Variants in CEP250 observed in about 807,000 individuals in gnomAD.
CEP250 encodes centrosomal protein 250, also known as centrosome-associated protein CEP250.
A neutral mutation model predicts 315.7 loss-of-function variants in CEP250; 242 were observed. That is an observed-to-expected ratio of 0.77 (90% CI 0.69 to 0.85). CEP250 has a LOEUF of 0.85. Ranked by LOEUF, CEP250 falls within the 40% of genes least tolerant of loss-of-function variation. CEP250 has a pLI of 0.00. For synonymous variants in CEP250, 1,088 were observed against 1,175.0 expected (o/e 0.93, Z 1.51); for missense variants, 2,515 against 2,886.4 (o/e 0.87, Z 2.95).
intron 28 of CEP250, among the ~76,000 whole-genome samples, chr20:35,501,494 A>G (rs191063095): frequency 6.6e-5 from 10 of 152,288 alleles, no homozygotes; most frequent in Non-Finnish European, 2.9e-5. Flanking sequence ...GAGCTCCTGC[A>G]CAATTATAGG....
At chr20:35,491,412 G>A in intron 22 of CEP250, 66 bp downstream of exon 22, 1 of 1,525,028 alleles carries the variant, frequency 6.6e-7, no homozygotes, top group Non-Finnish European at 8.9e-7. Context: ...ACCATGAAGG[G>A]TTCTTGGGCA....
At position 35,501,921 on chromosome 20, in the gene CEP250, AC is replaced by A. The variant is rs1182099111; in HGVS notation, c.3976del (p.Gln1326ArgfsTer28). 6.2e-7 allele frequency: 1 copy of A among 1,613,660 alleles called. No homozygotes were observed. Among genetic ancestry groups the A allele is most frequent in the South Asian group, 1.1e-5 (1 of 91,086 alleles). On this transcript the variant is annotated frameshift_variant, in exon 29 of 35. Coordinates refer to ENST00000397527, the MANE Select transcript of CEP250 (RefSeq NM_007186.6). LOFTEE classifies it high-confidence loss of function. ...MELHETMASLQSRLRRAELQR... is the reference protein window; with the variant it reads ...MELHETMASLXSRLRRAELQR... ...AACTACATGAAACTATGGCATCCTTACAGAGTCGCCTGCGGAGAGCAGAGCT... is the reference window on the plus strand; with the variant it reads ...AACTACATGAAACTATGGCATCCTTAAGAGTCGCCTGCGGAGAGCAGAGCT...
intron 31 of CEP250, 55 bp from the exon 32 acceptor site, chr20:35,507,980 G>A: frequency 6.2e-7 from 1 of 1,610,924 alleles, no homozygotes. Flanking sequence ...TCCTCTGTCT[G>A]TTCCCTACCT....
chr20:35,491,115 T>C (rs774480005), intron 21 of CEP250, 97 bp from the exon 22 acceptor site: 14 of 1,446,338 alleles, frequency 9.7e-6, no homozygotes, highest in Non-Finnish European at 1.3e-5. Flanking sequence ...TCCCATTTGC[T>C]AGGAGAGCCC....
rs1438745480 is a variant in CEP250 at position 35,514,875 on chromosome 20, A to G, written c.*3249A>G. On this transcript the variant is annotated 3_prime_UTR_variant, in exon 35 of 35. Coordinates refer to ENST00000397527, the MANE Select transcript of CEP250 (RefSeq NM_007186.6). The stretch of plus-strand genomic sequence containing the variant: ...GCATGTGGGTGTTCTCATGCAGGCC[A>G]TGAGTATTCGGGGTGCTTTAAGTGC... The G allele has an allele frequency of 6.6e-6, 1 of 152,204 alleles. No homozygotes were observed. The highest frequency in any genetic ancestry group is 1.9e-4 in the East Asian group (1 of 5,188). 9.4% of individuals were successfully genotyped at this position (152,204 alleles called of 1,614,324 possible).
At chr20:35,480,557 C>G (rs6060434) in intron 20 of CEP250, among the ~76,000 whole-genome samples, 47,661 of 149,298 alleles carry the variant, frequency 0.32, 8,443 homozygotes, top group South Asian at 0.5. Context: ...TTTATTTGTG[C>G]CATCTTATGT....
At position 35,473,383 on chromosome 20, in the gene CEP250, C is replaced by CAGCA; in HGVS notation, c.1220_1223dup (p.Leu409AlafsTer17). On this transcript the variant is annotated frameshift_variant, in exon 13 of 35. Coordinates refer to ENST00000397527, the MANE Select transcript of CEP250 (RefSeq NM_007186.6). LOFTEE classifies it high-confidence loss of function. ...TGCTCTCTCTCCACAGGACCTAAGG[C>CAGCA]AGCAGCTTGCAGGCTGTCAAGAGGC... 1 of 1,612,942 alleles carries CAGCA rather than the reference C, an allele frequency of 6.2e-7. No individual in the cohort carries two copies. The highest frequency in any genetic ancestry group is 8.5e-7 in the Non-Finnish European group (1 of 1,179,268).
chr20:35,504,806 C>T lies in CEP250; in HGVS notation c.6437C>T (p.Pro2146Leu), dbSNP rs137874746. ...EQSLKLDSLE[P>L]RLQRELERLQ... Reference sequence around the variant, plus strand: ...TCTCTAAAACTTGATTCTTTAGAGCCCAGGCTGCAGCGGGAGCTGGAGCGG... The same window carrying T: ...TCTCTAAAACTTGATTCTTTAGAGCTCAGGCTGCAGCGGGAGCTGGAGCGG... The change falls in exon 30 of 35, where the codon CCC becomes CTC. Residue 2146 changes from proline (P) to leucine (L), a missense_variant. Pro to Leu is a moderately conservative substitution (Grantham distance 98). Coordinates refer to ENST00000397527, the MANE Select transcript of CEP250 (RefSeq NM_007186.6). The T allele has an allele frequency of 6.2e-7, 1 of 1,614,228 alleles. No individual in the cohort carries two copies. Among genetic ancestry groups the T allele is most frequent in the East Asian group, 2.2e-5 (1 of 44,888 alleles).
At chr20:35,475,689 A>T in intron 15 of CEP250, 43 bp downstream of exon 15, 1 of 1,604,442 alleles carries the variant, frequency 6.2e-7, no homozygotes, top group South Asian at 1.1e-5. Flanking sequence ...GGCGGCTTCG[A>T]AAGTGTGTTC....
intron 22 of CEP250, among the ~76,000 whole-genome samples, chr20:35,492,866 T>C (rs1713666737): frequency 6.6e-6 from 1 of 152,120 alleles, no homozygotes; most frequent in African/African-American, 2.4e-5. Flanking sequence ...TAGCTGGGAT[T>C]ACAGGTGCCC....
At chr20:35,486,638 A>G (rs1366169636) in intron 20 of CEP250, among the ~76,000 whole-genome samples, 1 of 152,118 alleles carries the variant, frequency 6.6e-6, no homozygotes, top group Admixed American at 6.5e-5. Flanking sequence ...TTAATATTTT[A>G]TCCAGCATTT....
At chr20:35,475,266 A>G (rs1283141045) in intron 14 of CEP250, among the ~76,000 whole-genome samples, 3 of 152,228 alleles carry the variant, frequency 2.0e-5, no homozygotes, top group African/African-American at 7.2e-5. Flanking sequence ...CCTTCATGCA[A>G]ATACGGGCAT....
At position 35,504,166 on chromosome 20, in the gene CEP250, G is replaced by A; in HGVS notation, c.5797G>A (p.Ala1933Thr). 1 of 1,613,984 alleles carries A rather than the reference G, an allele frequency of 6.2e-7. No homozygotes were observed. The highest frequency in any genetic ancestry group is 8.5e-7 in the Non-Finnish European group (1 of 1,179,968). Residue 1933 changes from alanine to threonine, a missense_variant, in exon 30 of 35, where the codon GCA becomes ACA. Physicochemically the swap from Ala to Thr is moderately conservative, Grantham distance 58. Transcript: ENST00000397527. The stretch of plus-strand genomic sequence containing the variant: ...GCAGGACAGCTGGCTGCAGGCCCAG[G>A]CAGTGCTCAAGGAACGGGACCAGGA... ...ALQDSWLQAQ[A>T]VLKERDQELE...
chr20:35,502,273 T>TC, intron 29 of CEP250, 117 bp from the exon 30 acceptor site: 1 of 950,702 alleles, frequency 1.1e-6, no homozygotes. Context: ...CCACCACTTT[T>TC]TTTTGCCCAA....
At chr20:35,493,377 T>C in intron 22 of CEP250, 52 bp from the exon 23 acceptor site, 1 of 1,436,804 alleles carries the variant, frequency 7.0e-7, no homozygotes, top group Non-Finnish European at 9.2e-7. Flanking sequence ...AAAAAACCAG[T>C]ATTTCTATGA....
chr20:35,465,853 G>T (rs781722184), intron 6 of CEP250, 28 bp downstream of exon 6: 1 of 1,585,472 alleles, frequency 6.3e-7, no homozygotes, highest in Admixed American at 1.8e-5. Flanking sequence ...TTCTGACCTG[G>T]GTGATTGGCC....
chr20:35,464,952 T>C (rs949964330), intron 5 of CEP250, among the ~76,000 whole-genome samples: 7 of 152,088 alleles, frequency 4.6e-5, no homozygotes, highest in Non-Finnish European at 7.4e-5. Context: ...ACGTCGTAAG[T>C]TGAAAACACA....
In CEP250 at chr20:35,493,560, C is replaced by G; in HGVS notation, c.3021C>G (p.Asp1007Glu). 6.4e-7 allele frequency: 1 copy of G among 1,554,466 alleles called. No homozygotes were observed. Among genetic ancestry groups the G allele is most frequent in the South Asian group, 1.2e-5 (1 of 82,790 alleles). Reference protein sequence around the residue: ...ESSSLLQDKMDLQKQVEDLKS... With the variant: ...ESSSLLQDKMELQKQVEDLKS... ...GCTCCCTGCTGCAGGATAAGATGGA[C>G]CTGCAGAAGCAGGTCCCCTCCTCCT... The change falls in exon 23 of 35, where the codon GAC (aspartate) becomes GAG (glutamate). Residue 1007 changes from aspartate to glutamate, a missense_variant. Asp to Glu is a conservative substitution (Grantham distance 45). Transcript: ENST00000397527.
intron 20 of CEP250, among the ~76,000 whole-genome samples, chr20:35,485,634 C>T (rs1449456846): frequency 1.6e-5 from 2 of 125,350 alleles, no homozygotes; most frequent in East Asian, 2.6e-4. Flanking sequence ...AGGACTACAG[C>T]GTCTGCCTGG....
Sources: allele counts gnomAD v4.1 joint callset (sites outside exome capture counted in the v4.1 genomes callset), GRCh38; gene constraint gnomAD v4.1.1; transcripts MANE v1.5; gene names NCBI Gene and HGNC (gene_info 2026-07-23, HGNC 2026-07-21).